Variants in EPG5 observed in about 807,000 individuals in gnomAD.
The protein encoded by EPG5 is ectopic P granules protein 5 homolog.
Under a neutral mutation model 302.7 loss-of-function variants are expected in EPG5, and 159 were observed. That is an observed-to-expected ratio of 0.53 (90% CI 0.46 to 0.60). The LOEUF (loss-of-function observed/expected upper bound fraction) is 0.60. Among genes scored for constraint, EPG5 ranks in the 20% least tolerant of loss-of-function variants. The pLI is 0.00. For synonymous variants in EPG5, 1,158 were observed against 1,136.8 expected, an observed-to-expected ratio of 1.02 and a Z score of -0.37; for missense variants, 2,896 against 3,092.4, an observed-to-expected ratio of 0.94 and a Z score of 1.51.
intron 39 of EPG5, among the ~76,000 whole-genome samples, chr18:45,864,710 A>C (rs917525333): frequency 3.9e-5 from 6 of 152,170 alleles, no homozygotes; most frequent in Non-Finnish European, 8.8e-5. Flanking sequence ...GGCACCGCCA[A>C]CCCAGAACTA....
intron 13 of EPG5, among the ~76,000 whole-genome samples, chr18:45,926,226 A>G (rs1180595951): frequency 6.6e-6 from 1 of 152,188 alleles, no homozygotes. Context: ...ACGGCTATTC[A>G]CTTTGCAAAA....
At chr18:45,944,333 T>C (rs1007197448) in intron 7 of EPG5, among the ~76,000 whole-genome samples, 5 of 152,196 alleles carry the variant, frequency 3.3e-5, no homozygotes, top group African/African-American at 1.2e-4. Context: ...CAATTTTATA[T>C]GTATCTGGGT....
At chr18:45,878,144 G>C (rs1302417961) in intron 34 of EPG5, among the ~76,000 whole-genome samples, 1 of 152,140 alleles carries the variant, frequency 6.6e-6, no homozygotes, top group East Asian at 1.9e-4. Context: ...AACTGGAAAT[G>C]AGTGTCCAGT....
intron 43 of EPG5, among the ~76,000 whole-genome samples, chr18:45,854,750 A>G (rs1385191380): frequency 5.3e-5 from 8 of 152,156 alleles, no homozygotes; most frequent in Admixed American, 2.0e-4. Context: ...AGTCCTAACT[A>G]CTTGGGAGGC....
the EPG5 span, among the ~76,000 whole-genome samples, chr18:45,802,450 G>A: frequency 9.1e-4 from 139 of 152,204 alleles, no homozygotes; most frequent in Non-Finnish European, 1.7e-3. Context: ...AACCTGGGAG[G>A]TAGAGATTGC....
rs780361493 is a variant in EPG5, at chr18:45,884,706, C to A, written c.5215G>T (p.Ala1739Ser). 3 of 1,611,790 alleles carry A rather than the reference C, an allele frequency of 1.9e-6. No homozygotes were observed. In the East Asian group the frequency reaches 6.7e-5, roughly 36 times the overall value. The part of the protein sequence containing the change: ...LLSPFFTPNA[A>S]PAEFIQLYEQ... ...TACAGCTGTATGAACTCTGCAGGTG[C>A]AGCATTGGGAGTGAAGAAAGGAGAC... The change falls in exon 30 of 44, where the codon GCA becomes TCA. Residue 1739 changes from alanine to serine, a missense_variant. Around this residue, in one of 5 missense-constraint regions of EPG5, gnomAD observed 790 missense variants for 798.0 expected, o/e 0.99. Transcript: ENST00000282041.
At chr18:45,889,423 T>C (rs184337944) in intron 28 of EPG5, among the ~76,000 whole-genome samples, 220 of 152,338 alleles carry the variant, frequency 1.4e-3, no homozygotes, top group African/African-American at 5.1e-3. Flanking sequence ...ATATAACACA[T>C]AAGCACTAAA....
chr18:45,855,348 C>T (rs7237654), intron 43 of EPG5: 44 of 457,170 alleles, frequency 9.6e-5, no homozygotes, highest in African/African-American at 8.2e-4. Context: ...TTCGTTTGGC[C>T]TTACTTTTCT....
chr18:45,821,165 A>G, the EPG5 span, among the ~76,000 whole-genome samples: 4 of 152,220 alleles, frequency 2.6e-5, no homozygotes, highest in Non-Finnish European at 5.9e-5. Context: ...TTTCTTGTTG[A>G]TGACTATCAG....
the EPG5 span, among the ~76,000 whole-genome samples, chr18:45,803,270 G>A: frequency 4.6e-5 from 7 of 152,134 alleles, no homozygotes; most frequent in South Asian, 2.1e-4. Flanking sequence ...GATCTGGATC[G>A]AGTTCCACTT....
intron 6 of EPG5, 41 bp from the exon 7 acceptor site, chr18:45,946,809 G>T: frequency 6.8e-7 from 1 of 1,475,968 alleles, no homozygotes; most frequent in Non-Finnish European, 9.5e-7. Flanking sequence ...TTAGATGTAG[G>T]CTACGTGAGT....
the EPG5 span, among the ~76,000 whole-genome samples, chr18:45,802,463 T>A: frequency 1.3e-5 from 2 of 152,050 alleles, no homozygotes; most frequent in Non-Finnish European, 2.9e-5. Flanking sequence ...GAGATTGCAG[T>A]GAGCTGAGAC....
intron 12 of EPG5, among the ~76,000 whole-genome samples, 195 bp from the exon 13 acceptor site, chr18:45,929,204 T>C (rs1343931906): frequency 6.6e-6 from 1 of 152,188 alleles, no homozygotes; most frequent in Non-Finnish European, 1.5e-5. Flanking sequence ...GAGAGGAATA[T>C]AAGAGAATGG....
At chr18:45,936,580 T>C (rs2050528890) in intron 10 of EPG5, among the ~76,000 whole-genome samples, 1 of 151,856 alleles carries the variant, frequency 6.6e-6, no homozygotes, top group African/African-American at 2.4e-5. Context: ...ATATAAAAAT[T>C]AGCCGGGCAC....
At chr18:45,900,780 T>C (rs932055457) in intron 26 of EPG5, among the ~76,000 whole-genome samples, 4 of 152,138 alleles carry the variant, frequency 2.6e-5, no homozygotes, top group Non-Finnish European at 4.4e-5. Context: ...CCACAGGAAA[T>C]GTGAAATTGA....
Position 45,955,032 on chromosome 18 carries a change from G to T in EPG5, c.370C>A (p.Pro124Thr), listed in dbSNP as rs2050995359. The change falls in exon 2 of 44, where the codon CCT (proline) becomes ACT (threonine). Residue 124 changes from proline (P) to threonine (T), a missense_variant. Transcript: ENST00000282041. The stretch of plus-strand genomic sequence containing the variant: ...ACTTTAGTTCCAACATTGTCTCCAG[G>T]GTGGACCTTTGGAGTGACTGCACTG... ...GDSAVTPKVH[P>T]GDNVGTKVET... 6.2e-7 allele frequency: 1 copy of T among 1,613,944 alleles called. No homozygotes were observed. The highest frequency in any genetic ancestry group is 8.5e-7 in the Non-Finnish European group (1 of 1,180,018).
At chr18:45,816,996 T>C in the EPG5 span, among the ~76,000 whole-genome samples, 1 of 152,242 alleles carries the variant, frequency 6.6e-6, no homozygotes, top group East Asian at 1.9e-4. Context: ...ACTATTATTC[T>C]AAGTGAAGTA....
chr18:45,842,014 C>G, the EPG5 span: 2 of 1,162,892 alleles, frequency 1.7e-6, no homozygotes, highest in South Asian at 2.5e-5. Flanking sequence ...CCCAGAATGT[C>G]TCCTCTTCTT....
chr18:45,896,699 C>T (rs190918021), intron 27 of EPG5, among the ~76,000 whole-genome samples: 2 of 152,282 alleles, frequency 1.3e-5, no homozygotes, highest in Non-Finnish European at 2.9e-5. Context: ...CGTGCGCCAC[C>T]ATGCCCGGCT....
Sources: allele counts gnomAD v4.1 joint callset (sites outside exome capture counted in the v4.1 genomes callset), GRCh38; gene constraint gnomAD v4.1.1; regional missense constraint gnomAD v4.1.1; transcripts MANE v1.5; gene names NCBI Gene and HGNC (gene_info 2026-07-23, HGNC 2026-07-21).